The following CDKL3 variants were observed in gnomAD, a reference collection of about 807,000 sequenced individuals.
CDKL3 encodes cyclin-dependent kinase-like 3.
In CDKL3, 65 loss-of-function variants were observed where a neutral mutation model predicts 69.3. The observed-to-expected ratio is 0.94, with a 90% CI of 0.77 to 1.15. The LOEUF (loss-of-function observed/expected upper bound fraction) is 1.15, where lower values mean the gene tolerates loss of function less well. CDKL3 is among the 50% of genes most tolerant of loss of function. The pLI is 0.00. For missense variants in CDKL3, 652 were observed against 689.2 expected (o/e 0.95, Z 0.61); for synonymous variants, 202 against 221.6 (o/e 0.91, Z 0.79).
At chr5:134,311,274 C>A (rs189350594) in intron 7 of CDKL3, among the ~76,000 whole-genome samples, 2 of 152,154 alleles carry the variant, frequency 1.3e-5, no homozygotes, top group Non-Finnish European at 2.9e-5. Context: ...GAGGCCAAGG[C>A]GGGTGGATCA....
chr5:134,359,465 T>A (rs1280026832), intron 3 of CDKL3, among the ~76,000 whole-genome samples: 2 of 152,180 alleles, frequency 1.3e-5, no homozygotes, highest in African/African-American at 4.8e-5. Flanking sequence ...ATATCTCCTT[T>A]CTTCCCCTAA....
downstream of CDKL3, chr5:134,298,087 C>T (rs980499926): frequency 3.4e-5 from 6 of 177,678 alleles, no homozygotes; most frequent in Non-Finnish European, 1.1e-5. Context: ...CTGTGCACCA[C>T]CACACCCAGC....
intron 5 of CDKL3, among the ~76,000 whole-genome samples, chr5:134,320,883 A>T (rs1018235301): frequency 2.0e-5 from 3 of 151,922 alleles, no homozygotes; most frequent in Admixed American, 1.3e-4. Context: ...CAAAAAAAAA[A>T]AAATTAAATT....
At chr5:134,297,432 A>G (rs1561487276), downstream of CDKL3, among the ~76,000 whole-genome samples, 1 of 152,058 alleles carries the variant, frequency 6.6e-6, no homozygotes, top group Non-Finnish European at 1.5e-5. Context: ...TGAATACCAC[A>G]TTATTTTTAA....
intron 4 of CDKL3, among the ~76,000 whole-genome samples, chr5:134,344,533 G>A (rs78585666): frequency 0.015 from 2,215 of 152,058 alleles, 42 homozygotes; most frequent in African/African-American, 0.048. Context: ...ATAAGCACAC[G>A]CACACACAAA....
intron 10 of CDKL3, among the ~76,000 whole-genome samples, chr5:134,306,229 T>C (rs1767795130): frequency 6.6e-6 from 1 of 152,166 alleles, no homozygotes; most frequent in Non-Finnish European, 1.5e-5. Flanking sequence ...GTGCGTTGGC[T>C]CACACCTGTA....
At chr5:134,298,772 ACTCT>A in intron 12 of CDKL3, 62 bp from the exon 13 acceptor site, 1 of 1,570,466 alleles carries the variant, frequency 6.4e-7, no homozygotes, top group Non-Finnish European at 8.6e-7. Flanking sequence ...TGCTACCAAA[ACTCT>A]GACTTTATTA....
chr5:134,346,554 C>A (rs929378517), intron 4 of CDKL3, among the ~76,000 whole-genome samples: 1 of 152,094 alleles, frequency 6.6e-6, no homozygotes, highest in South Asian at 2.1e-4. Flanking sequence ...TGAGGTGCTG[C>A]GGTGCGATCT....
chr5:134,361,725 G>C (rs1462261489), intron 2 of CDKL3, among the ~76,000 whole-genome samples: 1 of 152,180 alleles, frequency 6.6e-6, no homozygotes, highest in African/African-American at 2.4e-5. Flanking sequence ...TCAACATGGT[G>C]AAACACCGTC....
At chr5:134,286,496 GC>G in exon 9 of CDKL3, 1 of 188,650 alleles carries the variant, frequency 5.3e-6, no homozygotes, top group Non-Finnish European at 1.1e-5. Flanking sequence ...TTTCAGCAAT[GC>G]CCCACTCTAC....
chr5:134,294,503 C>T (rs1311874640), downstream of CDKL3, among the ~76,000 whole-genome samples: 1 of 151,908 alleles, frequency 6.6e-6, no homozygotes, highest in Non-Finnish European at 1.5e-5. Flanking sequence ...CCAGCCAGTG[C>T]AATAAGGCAA....
intron 5 of CDKL3, among the ~76,000 whole-genome samples, chr5:134,321,307 C>T (rs1338649582): frequency 2.0e-5 from 3 of 152,068 alleles, no homozygotes; most frequent in Admixed American, 2.0e-4. Context: ...CCACCATGCC[C>T]AGCCTTCATC....
At chr5:134,338,791 G>A (rs57499052) in intron 4 of CDKL3, among the ~76,000 whole-genome samples, 23,599 of 152,026 alleles carry the variant, frequency 0.16, 2,359 homozygotes, top group African/African-American at 0.28. Context: ...CAAAGGAGGA[G>A]CAAGAAAACA....
intron 8 of CDKL3, among the ~76,000 whole-genome samples, chr5:134,287,788 A>G (rs1764934315): frequency 6.6e-6 from 1 of 152,190 alleles, no homozygotes; most frequent in Non-Finnish European, 1.5e-5. Flanking sequence ...TCCTCCTCAA[A>G]AAGAGCCCTC....
At chr5:134,316,467 G>A (rs1771096043) in intron 6 of CDKL3, among the ~76,000 whole-genome samples, 1 of 152,016 alleles carries the variant, frequency 6.6e-6, no homozygotes, top group Admixed American at 6.6e-5. Context: ...GCGTGGTGGA[G>A]TGTGCCTGTA....
chr5:134,367,431 G>A (rs116666072), upstream of CDKL3: 1,325 of 962,664 alleles, frequency 1.4e-3, 16 homozygotes, highest in African/African-American at 0.023. Flanking sequence ...GGACTGCAGT[G>A]TCGCTGATCT....
chr5:134,350,292 A>G lies in CDKL3; in HGVS notation c.496T>C (p.Tyr166His). ...IYTDYVATRW[Y>H]RAPELVLKDT... ...TTTAATACTAATTCGGGAGCTCTAT[A>G]CCAGCGTGTGGCCACATAGTCCGTA... is the stretch of plus-strand genomic sequence containing the variant. The change falls in exon 4 of 13, where the codon TAT (tyrosine) becomes CAT (histidine). Residue 166 changes from tyrosine to histidine, a missense_variant. Tyr to His is a moderately conservative substitution (Grantham distance 83). Transcript: ENST00000265334. The G allele has an allele frequency of 6.3e-7, 1 of 1,592,240 alleles. No homozygotes were observed. The highest frequency in any genetic ancestry group is 1.1e-5 in the South Asian group (1 of 87,324).
chr5:134,367,829 G>A (rs11745860), upstream of CDKL3, among the ~76,000 whole-genome samples: 4 of 152,088 alleles, frequency 2.6e-5, no homozygotes, highest in Non-Finnish European at 4.4e-5. Flanking sequence ...CACCATATAC[G>A]AAATGATGTA....
chr5:134,298,615 A>G lies in CDKL3; in HGVS notation c.*36T>C. 4 of 1,602,270 alleles carry G rather than the reference A, an allele frequency of 2.5e-6. No individual in the cohort carries two copies. Among genetic ancestry groups the G allele is most frequent in the Non-Finnish European group, 3.4e-6 (4 of 1,176,606 alleles). ...GATAAATAAAACGGGAAGAGTTGTC[A>G]TCTTGTATTTTTTGGACTATGTAAA... On this transcript the variant is annotated 3_prime_UTR_variant, in exon 13 of 13. Coordinates refer to ENST00000265334, the MANE Select transcript of CDKL3 (RefSeq NM_001113575.2).
Sources: gnomAD v4.1 joint callset for allele counts (sites outside exome capture counted in the v4.1 genomes callset) on GRCh38, gnomAD v4.1.1 for gene constraint, MANE v1.5 for transcripts, NCBI Gene and HGNC (gene_info 2026-07-23, HGNC 2026-07-21) for gene names.